Variants in ELL2 observed in about 807,000 individuals in gnomAD.
ELL2 encodes elongation factor for RNA polymerase II 2.
Under a neutral mutation model 72.8 loss-of-function variants are expected in ELL2, and 21 were observed. The observed-to-expected ratio is 0.29, with a 90% CI of 0.20 to 0.42. The LOEUF is 0.42. Ranked by LOEUF, ELL2 falls within the 10% of genes least tolerant of loss-of-function variation. The pLI is 1.00. For synonymous variants in ELL2, 266 were observed against 283.2 expected (o/e 0.94, Z 0.61); for missense variants, 568 against 772.8 (o/e 0.73, Z 3.14).
intron 10 of ELL2, among the ~76,000 whole-genome samples, chr5:95,890,211 G>A (rs1748607934): frequency 6.6e-6 from 1 of 152,050 alleles, no homozygotes; most frequent in Non-Finnish European, 1.5e-5. Flanking sequence ...TCTGAACACC[G>A]ATTCTTCTGG....
At chr5:95,928,830 T>C (rs1482147195) in intron 2 of ELL2, among the ~76,000 whole-genome samples, 1 of 152,158 alleles carries the variant, frequency 6.6e-6, no homozygotes, top group African/African-American at 2.4e-5. Flanking sequence ...CAAGGGTCAT[T>C]TATTTCTTCA....
intron 1 of ELL2, among the ~76,000 whole-genome samples, chr5:95,943,568 G>A (rs975748458): frequency 6.6e-6 from 1 of 152,054 alleles, no homozygotes; most frequent in Non-Finnish European, 1.5e-5. Context: ...TTTTTAATAG[G>A]GGTGGGAGGA....
chr5:95,954,914 G>A (rs1330662346), intron 1 of ELL2, among the ~76,000 whole-genome samples: 1 of 151,980 alleles, frequency 6.6e-6, no homozygotes, highest in East Asian at 1.9e-4. Flanking sequence ...ATCCTAAAAC[G>A]TAGATCAAAT....
intron 5 of ELL2, among the ~76,000 whole-genome samples, chr5:95,905,237 G>GCA (rs57650305): frequency 0.29 from 43,135 of 149,658 alleles, 6,218 homozygotes; most frequent in East Asian, 0.4. Context: ...TGAGATACGC[G>GCA]CACACACACA....
intron 2 of ELL2, among the ~76,000 whole-genome samples, chr5:95,924,832 T>C (rs1750227897): frequency 6.6e-6 from 1 of 152,198 alleles, no homozygotes; most frequent in Admixed American, 6.5e-5. Context: ...GATGTGTAAG[T>C]CAAAACGTCT....
chr5:95,946,916 G>C (rs1453087279), intron 1 of ELL2, among the ~76,000 whole-genome samples: 1 of 151,742 alleles, frequency 6.6e-6, no homozygotes, highest in Non-Finnish European at 1.5e-5. Flanking sequence ...TGGATGTAAG[G>C]CAACAAGGAG....
intron 2 of ELL2, among the ~76,000 whole-genome samples, chr5:95,922,952 C>T (rs1222285730): frequency 6.6e-6 from 1 of 152,216 alleles, no homozygotes; most frequent in Non-Finnish European, 1.5e-5. Context: ...GTGCTATTGG[C>T]ATGTAGTGGG....
chr5:95,924,920 C>A (rs557603404), intron 2 of ELL2, among the ~76,000 whole-genome samples: 7 of 152,296 alleles, frequency 4.6e-5, no homozygotes, highest in African/African-American at 1.7e-4. Context: ...AAGTCACGGA[C>A]GTCCTATTTA....
At chr5:95,924,472 GC>G (rs1312942982) in intron 2 of ELL2, among the ~76,000 whole-genome samples, 1 of 152,090 alleles carries the variant, frequency 6.6e-6, no homozygotes, top group Non-Finnish European at 1.5e-5. Context: ...AGTATTTTAA[GC>G]TTTTCCTACA....
chr5:95,891,345 C>G, intron 9 of ELL2, 71 bp from the exon 10 acceptor site: 1 of 1,465,736 alleles, frequency 6.8e-7, no homozygotes, highest in Non-Finnish European at 9.1e-7. Context: ...AGATTTAAAC[C>G]AAATATTTAG....
intron 4 of ELL2, among the ~76,000 whole-genome samples, chr5:95,908,539 A>G (rs543737864): frequency 5.3e-5 from 8 of 152,302 alleles, no homozygotes; most frequent in African/African-American, 1.9e-4. Context: ...TCAGTATTTG[A>G]TGACTAAATG....
chr5:95,929,159 A>G (rs1346580044), intron 2 of ELL2, among the ~76,000 whole-genome samples: 4 of 151,738 alleles, frequency 2.6e-5, no homozygotes, highest in Non-Finnish European at 4.4e-5. Flanking sequence ...GCTCATCGCT[A>G]TTGCTGCCTT....
intron 4 of ELL2, chr5:95,913,281 A>C (rs1300145270): frequency 2.0e-5 from 3 of 152,560 alleles, no homozygotes; most frequent in Admixed American, 6.5e-5. Context: ...AGCACATTTT[A>C]TATTTTTGTA....
At chr5:95,911,032 C>T (rs1431677869) in intron 4 of ELL2, among the ~76,000 whole-genome samples, 1 of 152,144 alleles carries the variant, frequency 6.6e-6, no homozygotes, top group Non-Finnish European at 1.5e-5. Flanking sequence ...CATGTGAGTG[C>T]TAACCAGTGC....
intron 5 of ELL2, among the ~76,000 whole-genome samples, chr5:95,904,484 G>A (rs142520305): frequency 1.3e-5 from 2 of 152,266 alleles, no homozygotes; most frequent in African/African-American, 2.4e-5. Flanking sequence ...TGGATGTTAA[G>A]CACTTTTAAA....
intron 1 of ELL2, among the ~76,000 whole-genome samples, chr5:95,954,403 C>A (rs375022812): frequency 2.4e-5 from 3 of 122,470 alleles, no homozygotes; most frequent in Admixed American, 1.6e-4. Context: ...TTAAATTATT[C>A]TTTTTTTTTT....
At chr5:95,938,590 T>C (rs915204767) in intron 2 of ELL2, among the ~76,000 whole-genome samples, 7 of 152,092 alleles carry the variant, frequency 4.6e-5, no homozygotes, top group Non-Finnish European at 7.4e-5. Flanking sequence ...CAGTCATGGC[T>C]GTGTATCTAT....
chr5:95,934,521 A>G (rs745565533), intron 2 of ELL2, among the ~76,000 whole-genome samples: 11 of 152,180 alleles, frequency 7.2e-5, no homozygotes, highest in Non-Finnish European at 1.5e-4. Flanking sequence ...GTTAACTCAG[A>G]AAGGAAAGTA....
At chr5:95,942,255 A>G (rs1444306520) in intron 2 of ELL2, among the ~76,000 whole-genome samples, 1 of 152,212 alleles carries the variant, frequency 6.6e-6, no homozygotes, top group African/African-American at 2.4e-5. Flanking sequence ...TAGCTCTAAA[A>G]ATCCATTTAC....
Sources: allele counts gnomAD v4.1 joint callset (sites outside exome capture counted in the v4.1 genomes callset), GRCh38; gene constraint gnomAD v4.1.1; transcripts MANE v1.5; gene names NCBI Gene and HGNC (gene_info 2026-07-23, HGNC 2026-07-21).